The following TRAPPC9 variants were observed in gnomAD, a reference collection of about 807,000 sequenced individuals.
TRAPPC9 encodes the protein trafficking protein particle complex subunit 9.
In TRAPPC9, 83 loss-of-function variants were observed where a neutral mutation model predicts 124.0. The observed-to-expected ratio is 0.67, with a 90% CI of 0.56 to 0.80. The LOEUF (loss-of-function observed/expected upper bound fraction) is 0.80, where lower values mean the gene tolerates loss of function less well. TRAPPC9 is among the 30% of genes least tolerant of loss of function. The probability of loss-of-function intolerance (pLI) is 0.00; values close to 1 mark genes in which losing one functional copy is unlikely to be tolerated. For missense variants in TRAPPC9, 1,302 were observed against 1,508.3 expected (o/e 0.86, Z 2.27); for synonymous variants, 638 against 617.5 (o/e 1.03, Z -0.49).
At chr8:140,419,089 C>G (rs1370946679) in intron 5 of TRAPPC9, among the ~76,000 whole-genome samples, 1 of 150,460 alleles carries the variant, frequency 6.6e-6, no homozygotes, top group Admixed American at 6.6e-5. Flanking sequence ...GTCAGGAGAT[C>G]GAGATCATCC....
chr8:139,797,947 G>T (rs112205416), intron 21 of TRAPPC9, among the ~76,000 whole-genome samples: 2 of 152,122 alleles, frequency 1.3e-5, no homozygotes, highest in African/African-American at 4.8e-5. Flanking sequence ...GTCCAACTTC[G>T]TTCTTCTTTT....
chr8:139,771,204 G>A (rs913702594), intron 21 of TRAPPC9, among the ~76,000 whole-genome samples: 1 of 152,116 alleles, frequency 6.6e-6, no homozygotes, highest in Non-Finnish European at 1.5e-5. Context: ...GAAAACTCTA[G>A]GGCCCCAAAC....
intron 20 of TRAPPC9, among the ~76,000 whole-genome samples, chr8:139,902,801 C>T (rs536440520): frequency 5.9e-5 from 9 of 152,254 alleles, no homozygotes; most frequent in Admixed American, 5.2e-4. Flanking sequence ...CGCCTCTGTC[C>T]TGAAAGGGAG....
chr8:139,861,738 T>C (rs570389411), intron 21 of TRAPPC9, among the ~76,000 whole-genome samples: 1 of 152,240 alleles, frequency 6.6e-6, no homozygotes, highest in South Asian at 2.1e-4. Context: ...CGAGTGGTTT[T>C]GAACAGACCC....
In TRAPPC9 at chr8:140,284,009, G is replaced by A. The variant is rs201556589; in HGVS notation, c.1994C>T (p.Thr665Met). ...ACAGTCACTGAACACACCGAAGACC[G>A]TGGTATGGTAACCTGGAATAGAAAA... ...GTITVNGYHTTVFGVFSDCLL... is the reference protein window; with the variant it reads ...GTITVNGYHTMVFGVFSDCLL... The change falls in exon 14 of 23, where the codon ACG (threonine) becomes ATG (methionine). Residue 665 changes from threonine (T) to methionine (M), a missense_variant. Physicochemically the swap from Thr to Met is moderately conservative, Grantham distance 81. Transcript: ENST00000438773. 3.2e-5 allele frequency: 51 copies of A among 1,614,084 alleles called. No homozygotes were observed. Among genetic ancestry groups the A allele is most frequent in the African/African-American group, 8.0e-5 (6 of 75,038 alleles).
At chr8:140,379,983 T>C (rs180776532) in intron 7 of TRAPPC9, among the ~76,000 whole-genome samples, 1 of 152,198 alleles carries the variant, frequency 6.6e-6, no homozygotes, top group Non-Finnish European at 1.5e-5. Context: ...TGTTCATGGA[T>C]TGGAAGACAA....
At chr8:139,990,513 C>T (rs952088666) in intron 18 of TRAPPC9, among the ~76,000 whole-genome samples, 6 of 152,210 alleles carry the variant, frequency 3.9e-5, no homozygotes, top group African/African-American at 1.4e-4. Context: ...CACGGGGCAT[C>T]TGTGAAATAT....
At chr8:139,823,005 G>A (rs954277776) in intron 21 of TRAPPC9, among the ~76,000 whole-genome samples, 3 of 152,190 alleles carry the variant, frequency 2.0e-5, no homozygotes, top group African/African-American at 4.8e-5. Context: ...TTCCTCAGGT[G>A]TGTGCAGCTC....
At chr8:140,240,735 G>A (rs1235857868) in intron 16 of TRAPPC9, among the ~76,000 whole-genome samples, 1 of 152,042 alleles carries the variant, frequency 6.6e-6, no homozygotes, top group African/African-American at 2.4e-5. Context: ...TGTAGAGATG[G>A]GGTCTTGTTG....
intron 15 of TRAPPC9, among the ~76,000 whole-genome samples, chr8:140,268,061 G>A (rs1002970309): frequency 2.6e-5 from 4 of 151,986 alleles, no homozygotes; most frequent in East Asian, 1.9e-4. Flanking sequence ...TTTTCATCTC[G>A]TGTGGCAAAA....
chr8:139,908,957 C>A (rs1045033761), intron 20 of TRAPPC9, among the ~76,000 whole-genome samples: 23 of 152,200 alleles, frequency 1.5e-4, no homozygotes, highest in Middle Eastern at 3.2e-3. Flanking sequence ...TTTTTCATGT[C>A]TGGTTCACAA....
At chr8:139,831,953 C>G (rs568898374) in intron 21 of TRAPPC9, among the ~76,000 whole-genome samples, 1 of 152,304 alleles carries the variant, frequency 6.6e-6, no homozygotes, top group East Asian at 1.9e-4. Context: ...TTCAGAGTGC[C>G]TATTACTCAA....
chr8:139,917,167 CTTT>C lies in TRAPPC9; in HGVS notation c.2811-6870_2811-6868del, dbSNP rs71318317. ...AGAAATCCTTCTTCATTATTATTTT[CTTT>C]TTTTTTTTTTTTTTTTTTGTTGAGA... On this transcript the variant is annotated intron_variant, in intron 19 of 22. Transcript: ENST00000438773. 1.3e-3 allele frequency among the ~76,000 whole-genome samples: 130 copies of C among 99,932 alleles called. 1 individual carries two copies. The highest frequency in any genetic ancestry group is 5.2e-3 in the African/African-American group (121 of 23,234). The allele number at this position is 99,932 out of a possible 152,430, so 65.6% of individuals were successfully genotyped here.
chr8:140,218,032 G>C (rs1355923810), intron 17 of TRAPPC9, among the ~76,000 whole-genome samples: 1 of 143,026 alleles, frequency 7.0e-6, no homozygotes, highest in Admixed American at 7.1e-5. Flanking sequence ...AAAAAAAAAA[G>C]TCATGGCGAA....
At chr8:140,079,257 T>C (rs1276102791) in intron 17 of TRAPPC9, among the ~76,000 whole-genome samples, 3 of 152,200 alleles carry the variant, frequency 2.0e-5, no homozygotes, top group Non-Finnish European at 2.9e-5. Context: ...GTCTCGGGTA[T>C]GTCTTTATTA....
At chr8:140,377,856 A>G (rs1233500853) in intron 7 of TRAPPC9, among the ~76,000 whole-genome samples, 1 of 152,130 alleles carries the variant, frequency 6.6e-6, no homozygotes, top group African/African-American at 2.4e-5. Context: ...GCTACTTGGG[A>G]AGCTGAGGCA....
intron 5 of TRAPPC9, among the ~76,000 whole-genome samples, chr8:140,417,442 C>A (rs1297858336): frequency 5.3e-5 from 8 of 152,174 alleles, no homozygotes; most frequent in African/African-American, 1.9e-4. Context: ...ATTTATGCGG[C>A]CAACAAACAT....
chr8:140,327,342 G>A lies in TRAPPC9; in HGVS notation c.1496-15968C>T, dbSNP rs1236955522. ...AATAGTACATCTGCTGTGCCAAACAGTTTGGCAGTTCCTCAAAAAGTTAAG... is the reference window on the plus strand; with the variant it reads ...AATAGTACATCTGCTGTGCCAAACAATTTGGCAGTTCCTCAAAAAGTTAAG... On this transcript the variant is annotated intron_variant, in intron 9 of 22. Coordinates refer to ENST00000438773, the MANE Select transcript of TRAPPC9 (RefSeq NM_001160372.4). 2.0e-5 allele frequency among the ~76,000 whole-genome samples: 3 copies of A among 152,210 alleles called. No individual in the cohort carries two copies. In the East Asian group the frequency reaches 5.8e-4, roughly 29 times the overall value.
intron 10 of TRAPPC9, among the ~76,000 whole-genome samples, chr8:140,302,350 C>T (rs958738606): frequency 1.3e-5 from 2 of 152,192 alleles, no homozygotes; most frequent in African/African-American, 4.8e-5. Context: ...TTTATCATAG[C>T]GGATCAGAAC....
Sources: gnomAD v4.1 joint callset for allele counts (sites outside exome capture counted in the v4.1 genomes callset) on GRCh38, gnomAD v4.1.1 for gene constraint, MANE v1.5 for transcripts, NCBI Gene and HGNC (gene_info 2026-07-23, HGNC 2026-07-21) for gene names.